The following DARS1 variants were observed in gnomAD, a reference collection of about 807,000 sequenced individuals.
DARS1 encodes the protein aspartyl-tRNA synthetase 1, also known as aspartate--tRNA ligase, cytoplasmic.
In DARS1, 51 loss-of-function variants were observed where a neutral mutation model predicts 68.8. The ratio of observed to expected loss-of-function variants is 0.74; its 90% CI spans 0.59 to 0.94. The LOEUF (loss-of-function observed/expected upper bound fraction) is 0.94. DARS1 is among the 40% of genes least tolerant of loss of function. The pLI is 0.00. For missense variants in DARS1, 607 were observed against 597.3 expected (o/e 1.02, Z -0.17); for synonymous variants, 203 against 190.4 (o/e 1.07, Z -0.55).
At chr2:135,951,713 C>G (rs2104825844) in intron 4 of DARS1, among the ~76,000 whole-genome samples, 1 of 152,298 alleles carries the variant, frequency 6.6e-6, no homozygotes, top group East Asian at 1.9e-4. Flanking sequence ...CCTTAAACAT[C>G]TACTTGTAAC....
At position 135,910,979 on chromosome 2, in the gene DARS1, G is replaced by A. The variant is rs1680883560; in HGVS notation, c.1414+160C>T. 3.2e-5 allele frequency: 17 copies of A among 531,242 alleles called. No homozygotes were observed. In the East Asian group the frequency reaches 5.5e-4, roughly 17 times the overall value. 32.9% of individuals were successfully genotyped at this position (531,242 alleles called of 1,614,324 possible). A position where few individuals can be genotyped will look rare whatever the true frequency, so the allele number is the denominator to read the frequency against. ...AGAAAAAAAATGGCTAGAACTTTAT[G>A]ACAATAATATTTTATAACACACAAG... On this transcript the variant is annotated intron_variant, in intron 15 of 15. Transcript: ENST00000264161.
intron 7 of DARS1, among the ~76,000 whole-genome samples, chr2:135,931,161 T>G (rs1681335094): frequency 6.6e-6 from 1 of 152,216 alleles, no homozygotes; most frequent in African/African-American, 2.4e-5. Context: ...ATTTTGCCTT[T>G]TATTTCCAAA....
At chr2:135,934,029 C>G (rs926030609) in intron 5 of DARS1, 39 bp from the exon 6 acceptor site, 1 of 1,591,292 alleles carries the variant, frequency 6.3e-7, no homozygotes, top group African/African-American at 1.3e-5. Context: ...AGAAAGCACA[C>G]AAAATCTGCA....
intron 6 of DARS1, among the ~76,000 whole-genome samples, chr2:135,933,621 A>G (rs913305864): frequency 2.0e-5 from 3 of 152,150 alleles, no homozygotes; most frequent in Non-Finnish European, 4.4e-5. Context: ...CAATGTATAT[A>G]TAATTTTTAA....
At chr2:135,913,306 A>C (rs77774340) in intron 12 of DARS1, among the ~76,000 whole-genome samples, 3,499 of 152,238 alleles carry the variant, frequency 0.023, 133 homozygotes, top group African/African-American at 0.08. Flanking sequence ...TTATCTTCCC[A>C]AGAATTTAAA....
chr2:135,906,525 A>G lies in DARS1; in HGVS notation c.*791T>C, dbSNP rs905388460. ...TGTCAACTTTAAGAGCTCTATCCCTACGCCCATCTAAACTAATATCCTGAA... is the reference window on the plus strand; with the variant it reads ...TGTCAACTTTAAGAGCTCTATCCCTGCGCCCATCTAAACTAATATCCTGAA... On this transcript the variant is annotated 3_prime_UTR_variant, in exon 16 of 16. Transcript: ENST00000264161. 1.2e-4 allele frequency among the ~76,000 whole-genome samples: 18 copies of G among 152,172 alleles called. No homozygotes were observed. Among genetic ancestry groups the G allele is most frequent in the African/African-American group, 3.9e-4 (16 of 41,440 alleles).
chr2:135,956,051 CTT>C (rs1022725412), intron 4 of DARS1, among the ~76,000 whole-genome samples: 1 of 152,156 alleles, frequency 6.6e-6, no homozygotes, highest in East Asian at 1.9e-4. Flanking sequence ...AGACCTCAGA[CTT>C]TTATATTTCT....
At chr2:135,945,031 G>A (rs6743537) in intron 4 of DARS1, among the ~76,000 whole-genome samples, 32,740 of 151,792 alleles carry the variant, frequency 0.22, 4,019 homozygotes, top group Middle Eastern at 0.4. Flanking sequence ...TGGTCCCCTC[G>A]TCTCACAAAC....
In DARS1 at chr2:135,914,495, G is replaced by T; in HGVS notation, c.1123C>A (p.Leu375Met). Residue 375 changes from leucine to methionine, a missense_variant, in exon 12 of 16, where the codon CTG becomes ATG. Leu to Met is a conservative substitution (Grantham distance 15). Coordinates refer to ENST00000264161, the MANE Select transcript of DARS1 (RefSeq NM_001349.4). The stretch of plus-strand genomic sequence containing the variant: ...TTTTCCTTTACCAAATGACCCAACA[G>T]CTTTTCATTTGGTGTGCTGAAAAAG... ...EDDLSTPNEK[L>M]LGHLVKEKYD... The T allele has an allele frequency of 1.4e-6, 2 of 1,465,904 alleles. No individual in the cohort carries two copies. Among genetic ancestry groups the T allele is most frequent in the Non-Finnish European group, 1.9e-6 (2 of 1,044,824 alleles). 90.8% of individuals were successfully genotyped at this position (1,465,904 alleles called of 1,614,324 possible).
chr2:135,939,915 G>A (rs1322625975), intron 5 of DARS1, among the ~76,000 whole-genome samples: 1 of 152,170 alleles, frequency 6.6e-6, no homozygotes, highest in Non-Finnish European at 1.5e-5. Context: ...TAGAAGAAAT[G>A]GATAAATTCC....
chr2:135,936,750 C>A (rs1471416032), intron 5 of DARS1, among the ~76,000 whole-genome samples: 1 of 152,180 alleles, frequency 6.6e-6, no homozygotes. Context: ...ACAACAAAGT[C>A]ATTTGTCAAA....
chr2:135,925,611 T>TA (rs1681196905), intron 7 of DARS1, among the ~76,000 whole-genome samples: 1 of 152,230 alleles, frequency 6.6e-6, no homozygotes, highest in African/African-American at 2.4e-5. Flanking sequence ...TTTTATAACT[T>TA]ACATTCAAAG....
At chr2:135,924,828 C>A (rs931372499) in intron 7 of DARS1, among the ~76,000 whole-genome samples, 4 of 151,792 alleles carry the variant, frequency 2.6e-5, no homozygotes, top group African/African-American at 9.7e-5. Context: ...TAAAGGCAAC[C>A]AACCCATAAA....
In DARS1 at chr2:135,907,242, CTTTT is replaced by C. The variant is rs992435404; in HGVS notation, c.*70_*73del. 4,413 of 448,662 alleles carry C rather than the reference CTTTT, an allele frequency of 9.8e-3. 1 individual carries two copies. The highest frequency in any genetic ancestry group is 0.017 in the East Asian group (329 of 19,880). The allele number at this position is 448,662 out of a possible 1,614,324, so 27.8% of individuals were successfully genotyped here. On this transcript the variant is annotated 3_prime_UTR_variant, in exon 16 of 16. Coordinates refer to ENST00000264161, the MANE Select transcript of DARS1 (RefSeq NM_001349.4). ...TACTGAAAAGAATAAGTGTGGCTTT[CTTTT>C]TTTTTTTTTTTTTTTGAGGCAGGGT...
Position 135,920,575 on chromosome 2 carries a change from G to C in DARS1, c.837C>G (p.Thr279=), listed in dbSNP as rs1292190155. Residue 279 remains threonine (T), a synonymous_variant, in exon 10 of 16, where the codon ACC becomes ACG. Coordinates refer to ENST00000264161, the MANE Select transcript of DARS1 (RefSeq NM_001349.4). ...GPVFRAEDSN[T]HRHLTEFVGL... is the part of the protein sequence containing the mutation. Reference sequence around the variant, plus strand: ...CAACAAACTCAGTTAGATGTCTATGGGTATTAGAGTCTTCCGCTCTGAATA... The same window carrying C: ...CAACAAACTCAGTTAGATGTCTATGCGTATTAGAGTCTTCCGCTCTGAATA... 2 of 1,611,640 alleles carry C rather than the reference G, an allele frequency of 1.2e-6. No individual in the cohort carries two copies. Among genetic ancestry groups the C allele is most frequent in the Non-Finnish European group, 1.7e-6 (2 of 1,179,272 alleles).
At position 135,914,502 on chromosome 2, in the gene DARS1, A is replaced by C; in HGVS notation, c.1116T>G (p.Asn372Lys). The C allele has an allele frequency of 6.9e-7, 1 of 1,457,568 alleles. No individual in the cohort carries two copies. 90.3% of individuals were successfully genotyped at this position (1,457,568 alleles called of 1,614,324 possible). The change falls in exon 12 of 16, where the codon AAT becomes AAG. Residue 372 changes from asparagine (N) to lysine (K), a missense_variant. By Grantham distance (94) the Asn-to-Lys change is moderately conservative. Transcript: ENST00000264161. ...MGDEDDLSTP[N>K]EKLLGHLVKE... ...TTACCAAATGACCCAACAGCTTTTCATTTGGTGTGCTGAAAAAGAAACGTG... is the reference window on the plus strand; with the variant it reads ...TTACCAAATGACCCAACAGCTTTTCCTTTGGTGTGCTGAAAAAGAAACGTG...
intron 5 of DARS1, among the ~76,000 whole-genome samples, chr2:135,942,741 T>C (rs1681631119): frequency 6.6e-6 from 1 of 152,216 alleles, no homozygotes. Flanking sequence ...AGGTCCATTA[T>C]TATTCACTTA....
At chr2:135,943,568 T>TAC in intron 4 of DARS1, 88 bp from the exon 5 acceptor site, 1 of 1,531,026 alleles carries the variant, frequency 6.5e-7, no homozygotes, top group Non-Finnish European at 8.7e-7. Context: ...CTGAATATGT[T>TAC]AAACTCTTTT....
chr2:135,926,810 ACT>A (rs1200289485), intron 7 of DARS1, among the ~76,000 whole-genome samples: 1 of 152,134 alleles, frequency 6.6e-6, no homozygotes, highest in African/African-American at 2.4e-5. Flanking sequence ...TATCCTGTAA[ACT>A]CTCTGACTTT....
Sources: allele counts gnomAD v4.1 joint callset (sites outside exome capture counted in the v4.1 genomes callset), GRCh38; gene constraint gnomAD v4.1.1; transcripts MANE v1.5; gene names NCBI Gene and HGNC (gene_info 2026-07-23, HGNC 2026-07-21).